Variants in IL2RB observed in about 807,000 individuals in gnomAD.
IL2RB encodes interleukin-2 receptor subunit beta.
IL2RB carries 17 observed loss-of-function variants against 44.2 expected under a neutral mutation model. The ratio of observed to expected loss-of-function variants is 0.38; its 90% CI spans 0.26 to 0.58. IL2RB has a LOEUF of 0.58. Among genes scored for constraint, IL2RB ranks in the 20% least tolerant of loss-of-function variants. The probability of loss-of-function intolerance (pLI) is 0.63; values close to 1 mark genes in which losing one functional copy is unlikely to be tolerated. For synonymous variants in IL2RB, 286 were observed against 297.9 expected, an observed-to-expected ratio of 0.96 and a Z score of 0.41; for missense variants, 624 against 685.5, an observed-to-expected ratio of 0.91 and a Z score of 1.00.
At position 37,144,219 on chromosome 22, in the gene IL2RB, A is replaced by T. The variant is rs1328478052; in HGVS notation, c.-33-14T>A. The T allele has an allele frequency of 6.5e-7, 1 of 1,535,646 alleles. No homozygotes were observed. Among genetic ancestry groups the T allele is most frequent in the East Asian group, 2.4e-5 (1 of 40,834 alleles). On this transcript the variant is annotated splice_polypyrimidine_tract_variant and intron_variant, in intron 1 of 9. Coordinates refer to ENST00000216223, the MANE Select transcript of IL2RB (RefSeq NM_000878.5). ...AGGAAGGAAGCCCTGGTGGGAGAGGAGAAAGAGAGAGCACACGTAAATACA... is the reference window on the plus strand; with the variant it reads ...AGGAAGGAAGCCCTGGTGGGAGAGGTGAAAGAGAGAGCACACGTAAATACA...
intron 3 of IL2RB, chr22:37,142,763 A>C: frequency 7.8e-6 from 5 of 642,128 alleles, no homozygotes; most frequent in Admixed American, 2.3e-5. Context: ...TAGAAACACA[A>C]ACCACTTCAA....
At position 37,135,521 on chromosome 22, in the gene IL2RB, C is replaced by A. The variant is rs958675317; in HGVS notation, c.704-79G>T. 3.4e-5 allele frequency: 29 copies of A among 862,760 alleles called. No individual in the cohort carries two copies. In the East Asian group the frequency reaches 5.4e-4, roughly 16 times the overall value. The allele number at this position is 862,760 out of a possible 1,614,324, so 53.4% of individuals were successfully genotyped here. On this transcript the variant is annotated intron_variant, in intron 7 of 9. Transcript: ENST00000216223. ...TCACCCTGGGTCGGTCACCCCAACA[C>A]CCCCATCCAGGGCCCTGCCACGCAG...
At chr22:37,142,111 A>G (rs909250530) in intron 4 of IL2RB, among the ~76,000 whole-genome samples, 2 of 152,122 alleles carry the variant, frequency 1.3e-5, no homozygotes, top group Non-Finnish European at 2.9e-5. Context: ...TGGTCATTAC[A>G]GTTACTGGAG....
At chr22:37,154,509 A>G (rs557682179), upstream of IL2RB, among the ~76,000 whole-genome samples, 122 of 151,976 alleles carry the variant, frequency 8.0e-4, no homozygotes, top group Non-Finnish European at 1.2e-3. Context: ...TTCTACTTCT[A>G]GGCCTAAAAA....
At chr22:37,161,436 T>C (rs529387180) in intron 1 of IL2RB, among the ~76,000 whole-genome samples, 2 of 152,200 alleles carry the variant, frequency 1.3e-5, no homozygotes, top group Admixed American at 1.3e-4. Context: ...CCCTAACCAG[T>C]AAGCTGAAAC....
upstream of IL2RB, among the ~76,000 whole-genome samples, chr22:37,153,707 G>GGA (rs1211308819): frequency 6.6e-6 from 1 of 152,220 alleles, no homozygotes; most frequent in Non-Finnish European, 1.5e-5. Flanking sequence ...GTCTCAGGGA[G>GGA]GAGAGCCAGG....
In IL2RB at chr22:37,127,804, C is replaced by A; in HGVS notation, c.*292G>T. 3.5e-6 allele frequency: 1 copy of A among 289,554 alleles called. No homozygotes were observed. The highest frequency in any genetic ancestry group is 5.7e-5 in the East Asian group (1 of 17,404). The allele number at this position is 289,554 out of a possible 1,614,324, so 17.9% of individuals were successfully genotyped here. On this transcript the variant is annotated 3_prime_UTR_variant, in exon 10 of 10. Transcript: ENST00000216223. Reference sequence around the variant, plus strand: ...GCTGCAGGGCTGGAGAGGAGCGATGCTTCTGAGCCTAAATTCGTGGGATCC... The same window carrying A: ...GCTGCAGGGCTGGAGAGGAGCGATGATTCTGAGCCTAAATTCGTGGGATCC...
rs916042648 is a variant in IL2RB, at chr22:37,141,508, C to T, written c.282+926G>A. Among the ~76,000 whole-genome samples, 1 of 151,958 alleles carries T rather than the reference C, an allele frequency of 6.6e-6. No homozygotes were observed. Among genetic ancestry groups the T allele is most frequent in the Non-Finnish European group, 1.5e-5 (1 of 67,956 alleles). On this transcript the variant is annotated intron_variant, in intron 4 of 9. Transcript: ENST00000216223. The surrounding 1 kb of genome is among the most constrained non-coding windows in gnomAD (Gnocchi z 4.4). ...AGTGTGAGTCGGGGACAAGCGGGAC[C>T]CCTGCCCCTTCCGAGGTAGCCAGGA...
intron 1 of IL2RB, among the ~76,000 whole-genome samples, chr22:37,161,094 A>T (rs1922851714): frequency 6.6e-6 from 1 of 152,246 alleles, no homozygotes; most frequent in Non-Finnish European, 1.5e-5. Flanking sequence ...GTGAGCCAAG[A>T]TCGTGCCACT....
At chr22:37,152,722 T>C (rs1293010285), upstream of IL2RB, among the ~76,000 whole-genome samples, 1 of 151,752 alleles carries the variant, frequency 6.6e-6, no homozygotes, top group Non-Finnish European at 1.5e-5. Flanking sequence ...GGGAGAAGGG[T>C]GGCGTGGGAG....
At chr22:37,173,442 A>C (rs1185009829) in intron 1 of IL2RB, among the ~76,000 whole-genome samples, 1 of 152,234 alleles carries the variant, frequency 6.6e-6, no homozygotes, top group Non-Finnish European at 1.5e-5. Flanking sequence ...TAAACAAATG[A>C]CACATGAAGG....
upstream of IL2RB, chr22:37,150,019 A>C (rs1972140150): frequency 6.6e-6 from 4 of 602,032 alleles, no homozygotes; most frequent in South Asian, 3.0e-4. Flanking sequence ...GACGAGGCTT[A>C]TGAGAAAGCC....
chr22:37,134,234 A>G (rs1226430934), intron 8 of IL2RB, among the ~76,000 whole-genome samples: 2 of 152,246 alleles, frequency 1.3e-5, no homozygotes, highest in African/African-American at 4.8e-5. Flanking sequence ...ATTAGGTATT[A>G]TAAGTAATCT....
At chr22:37,149,406 G>A (rs1039684723) in intron 1 of IL2RB, among the ~76,000 whole-genome samples, 2 of 152,160 alleles carry the variant, frequency 1.3e-5, no homozygotes, top group African/African-American at 2.4e-5. Context: ...TGCCTCCCCC[G>A]GTATATGGGC....
At chr22:37,169,818 T>G (rs556057941) in intron 1 of IL2RB, among the ~76,000 whole-genome samples, 1 of 152,336 alleles carries the variant, frequency 6.6e-6, no homozygotes, top group South Asian at 2.1e-4. Flanking sequence ...CCAGAGGCCT[T>G]CCTTCTCTCC....
At chr22:37,146,746 G>T (rs950034826) in intron 1 of IL2RB, among the ~76,000 whole-genome samples, 1 of 152,210 alleles carries the variant, frequency 6.6e-6, no homozygotes, top group Non-Finnish European at 1.5e-5. Flanking sequence ...TGAGCACAGG[G>T]CCGGGCACAC....
upstream of IL2RB, among the ~76,000 whole-genome samples, chr22:37,152,582 CT>C (rs1444176577): frequency 2.0e-5 from 3 of 152,102 alleles, no homozygotes; most frequent in Non-Finnish European, 2.9e-5. Context: ...TCTGTTTGTT[CT>C]AGCTAGCACT....
intron 7 of IL2RB, among the ~76,000 whole-genome samples, 162 bp from the exon 8 acceptor site, chr22:37,135,604 G>A (rs1307302437): frequency 6.6e-6 from 1 of 152,180 alleles, no homozygotes; most frequent in East Asian, 1.9e-4. Context: ...TGGGAAGCCA[G>A]ATTTCATGCT....
At chr22:37,173,581 A>G (rs150240170) in intron 1 of IL2RB, among the ~76,000 whole-genome samples, 1 of 152,338 alleles carries the variant, frequency 6.6e-6, no homozygotes, top group East Asian at 1.9e-4. Context: ...TTTTACATAT[A>G]CTTACTCCTT....
Sources: gnomAD v4.1 joint callset for allele counts (sites outside exome capture counted in the v4.1 genomes callset) on GRCh38, gnomAD v4.1.1 for gene constraint, Gnocchi (gnomAD v3.1) non-coding constraint, MANE v1.5 for transcripts, NCBI Gene and HGNC (gene_info 2026-07-23, HGNC 2026-07-21) for gene names.